Variants in MCCC2 observed in about 807,000 individuals in gnomAD.
The protein encoded by MCCC2 is methylcrotonyl-CoA carboxylase subunit 2.
Under a neutral mutation model 77.2 loss-of-function variants are expected in MCCC2, and 52 were observed. The observed-to-expected ratio is 0.67, with a 90% confidence interval of 0.54 to 0.85. The LOEUF (loss-of-function observed/expected upper bound fraction) is 0.85, where lower values mean the gene tolerates loss of function less well. Ranked by LOEUF, MCCC2 falls within the 40% of genes least tolerant of loss-of-function variation. The pLI is 0.00. For missense variants in MCCC2, 682 were observed against 703.2 expected, an observed-to-expected ratio of 0.97 and a Z score of 0.34; for synonymous variants, 253 against 248.4, an observed-to-expected ratio of 1.02 and a Z score of -0.18.
chr5:71,598,662 T>C (rs920067729), intron 3 of MCCC2, among the ~76,000 whole-genome samples: 1 of 147,870 alleles, frequency 6.8e-6, no homozygotes, highest in Admixed American at 6.9e-5. Context: ...CACCATGTTA[T>C]CCAGGCTGGT....
At chr5:71,598,026 A>T (rs908293271) in intron 3 of MCCC2, among the ~76,000 whole-genome samples, 2 of 150,120 alleles carry the variant, frequency 1.3e-5, no homozygotes, top group Admixed American at 6.6e-5. Flanking sequence ...TCACAATAAG[A>T]TCCACCTCAG....
intron 10 of MCCC2, chr5:71,636,104 A>G: frequency 2.4e-6 from 1 of 418,666 alleles, no homozygotes; most frequent in South Asian, 1.8e-5. Flanking sequence ...ATGTCTTTAG[A>G]AATTCTTCAT....
chr5:71,633,120 TATATATATATATTTTTA>T (rs1746790246), intron 8 of MCCC2, among the ~76,000 whole-genome samples: 1 of 117,522 alleles, frequency 8.5e-6, no homozygotes, highest in Non-Finnish European at 1.8e-5. Flanking sequence ...TATATATATA[TATATATATATATTTTTA>T]TTTTTTGTAG....
At position 71,652,689 on chromosome 5, in the gene MCCC2, G is replaced by A. The variant is rs779855532; in HGVS notation, c.1509G>A (p.Ala503=). The part of the protein sequence containing the change: ...EGKQFSSADE[A]ALKEPIIKKF... ...TTTAGTTCTCCAGTGCTGATGAAGC[G>A]GCTTTAAAAGAGCCCATCATTAAGA... The change falls in exon 16 of 17, where the codon GCG becomes GCA. Residue 503 remains alanine (A), a synonymous_variant. Transcript: ENST00000340941. The A allele has an allele frequency of 2.0e-5, 32 of 1,614,094 alleles. No homozygotes were observed. The highest frequency in any genetic ancestry group is 2.0e-4 in the South Asian group (18 of 91,072).
chr5:71,632,221 G>A, intron 8 of MCCC2, 36 bp downstream of exon 8: 1 of 1,600,534 alleles, frequency 6.2e-7, no homozygotes, highest in South Asian at 1.1e-5. Flanking sequence ...CCGGGATTGA[G>A]TGTCATTTTG....
chr5:71,612,979 C>T (rs2112368044), intron 6 of MCCC2, among the ~76,000 whole-genome samples: 1 of 152,322 alleles, frequency 6.6e-6, no homozygotes. Flanking sequence ...CCTTTCCTAG[C>T]CTCTTCCAGC....
chr5:71,636,103 G>T, intron 10 of MCCC2: 2 of 413,070 alleles, frequency 4.8e-6, no homozygotes, highest in Non-Finnish European at 9.7e-6. Context: ...CATGTCTTTA[G>T]AAATTCTTCA....
At chr5:71,608,597 G>A (rs1465019332) in intron 6 of MCCC2, among the ~76,000 whole-genome samples, 3 of 151,932 alleles carry the variant, frequency 2.0e-5, no homozygotes, top group Non-Finnish European at 2.9e-5. Flanking sequence ...ATATTGTTAT[G>A]TGTGAATTTG....
At chr5:71,593,129 C>T in intron 2 of MCCC2, 137 bp downstream of exon 2, 1 of 754,760 alleles carries the variant, frequency 1.3e-6, no homozygotes, top group South Asian at 1.7e-5. Context: ...GCTCTCTTGC[C>T]CAGGCTGGAG....
chr5:71,604,412 C>T lies in MCCC2; in HGVS notation c.568C>T (p.His190Tyr), dbSNP rs773774134. 1.1e-5 allele frequency: 17 copies of T among 1,613,966 alleles called. No homozygotes were observed. Among genetic ancestry groups the T allele is most frequent in the South Asian group, 7.7e-5 (7 of 91,078 alleles). Residue 190 changes from histidine to tyrosine, a missense_variant, in exon 6 of 17, where the codon CAC (histidine) becomes TAC (tyrosine). Transcript: ENST00000340941. The part of the protein sequence containing the change: ...RQADVFPDRD[H>Y]FGRTFYNQAI... Reference sequence around the variant, plus strand: ...AGCAGATGTGTTTCCAGATCGAGACCACTTTGGCCGTACATTCTATAATCA... The same window carrying T: ...AGCAGATGTGTTTCCAGATCGAGACTACTTTGGCCGTACATTCTATAATCA...
At chr5:71,611,459 G>A (rs1387219974) in intron 6 of MCCC2, among the ~76,000 whole-genome samples, 1 of 152,200 alleles carries the variant, frequency 6.6e-6, no homozygotes, top group Non-Finnish European at 1.5e-5. Flanking sequence ...GCAAAAGTTA[G>A]AGAATAACCT....
At chr5:71,643,700 T>A in intron 11 of MCCC2, 119 bp from the exon 12 acceptor site, 1 of 1,598,822 alleles carries the variant, frequency 6.3e-7, no homozygotes, top group Non-Finnish European at 8.5e-7. Flanking sequence ...ATAGACAAAA[T>A]CTCTTTGCAT....
At chr5:71,624,221 A>G (rs1269756094) in intron 6 of MCCC2, among the ~76,000 whole-genome samples, 1 of 152,162 alleles carries the variant, frequency 6.6e-6, no homozygotes, top group Non-Finnish European at 1.5e-5. Context: ...TTACTCCCCA[A>G]AGGCCTCTGC....
intron 5 of MCCC2, 150 bp downstream of exon 5, chr5:71,602,783 A>C (rs1449213538): frequency 8.5e-7 from 1 of 1,181,968 alleles, no homozygotes; most frequent in Non-Finnish European, 1.2e-6. Flanking sequence ...TCTTTGCTGA[A>C]AACTCTGGGG....
chr5:71,650,935 C>T (rs1747421709), intron 15 of MCCC2, among the ~76,000 whole-genome samples: 1 of 152,160 alleles, frequency 6.6e-6, no homozygotes. Context: ...AGGCTTGAGC[C>T]ACCGCGCCCG....
chr5:71,635,001 A>G lies in MCCC2; in HGVS notation c.862A>G (p.Arg288Gly). The change falls in exon 9 of 17, where the codon AGG becomes GGG. Residue 288 changes from arginine to glycine, a missense_variant. By Grantham distance (125) the Arg-to-Gly change is moderately radical. Coordinates refer to ENST00000340941, the MANE Select transcript of MCCC2 (RefSeq NM_022132.5). The part of the protein sequence containing the change: ...LDDHHALHLT[R>G]KVVRNLNYQK... ...TGATCATCATGCCCTTCACTTAACTAGGAAGGTTGTGAGGAATCTAAATTA... is the reference window on the plus strand; with the variant it reads ...TGATCATCATGCCCTTCACTTAACTGGGAAGGTTGTGAGGAATCTAAATTA... The G allele has an allele frequency of 6.2e-7, 1 of 1,614,184 alleles. No individual in the cohort carries two copies. Among genetic ancestry groups the G allele is most frequent in the Non-Finnish European group, 8.5e-7 (1 of 1,180,038 alleles).
At chr5:71,649,324 A>G in intron 14 of MCCC2, 71 bp downstream of exon 14, 2 of 1,430,456 alleles carry the variant, frequency 1.4e-6, no homozygotes, top group Non-Finnish European at 2.0e-6. Flanking sequence ...AGTTTATTTC[A>G]GGTGTATTTG....
At chr5:71,632,606 A>G (rs1021306796) in intron 8 of MCCC2, among the ~76,000 whole-genome samples, 1 of 152,228 alleles carries the variant, frequency 6.6e-6, no homozygotes, top group Non-Finnish European at 1.5e-5. Context: ...GGAAGAGCAT[A>G]GAGGAGGTGG....
intron 7 of MCCC2, among the ~76,000 whole-genome samples, chr5:71,627,232 C>T (rs1204830863): frequency 6.6e-6 from 1 of 152,146 alleles, no homozygotes; most frequent in African/African-American, 2.4e-5. Context: ...TTTGTTTATT[C>T]ATTCATCCAT....
Sources: allele counts gnomAD v4.1 joint callset (sites outside exome capture counted in the v4.1 genomes callset), GRCh38; gene constraint gnomAD v4.1.1; transcripts MANE v1.5; gene names NCBI Gene and HGNC (gene_info 2026-07-23, HGNC 2026-07-21).